CCDC180: variants seen among roughly 807,000 people sequenced by gnomAD.
The protein encoded by CCDC180 is coiled-coil domain-containing protein 180.
In CCDC180, 154 loss-of-function variants were observed where a neutral mutation model predicts 209.2. The observed-to-expected ratio is 0.74, with a 90% confidence interval of 0.65 to 0.84. The LOEUF (loss-of-function observed/expected upper bound fraction) is 0.84. Ranked by LOEUF, CCDC180 falls within the 40% of genes least tolerant of loss-of-function variation. The probability of loss-of-function intolerance (pLI) is 0.00; values close to 1 mark genes in which losing one functional copy is unlikely to be tolerated. For missense variants in CCDC180, 1,874 were observed against 1,997.3 expected, an observed-to-expected ratio of 0.94 and a Z score of 1.18; for synonymous variants, 778 against 749.1, an observed-to-expected ratio of 1.04 and a Z score of -0.63.
chr9:97,354,891 G>A lies in CCDC180; in HGVS notation c.3148-1G>A, dbSNP rs1259682055. 4 of 1,608,014 alleles carry A rather than the reference G, an allele frequency of 2.5e-6. No homozygotes were observed. The highest frequency in any genetic ancestry group is 3.4e-6 in the Non-Finnish European group (4 of 1,174,384). Reference sequence around the variant, plus strand: ...CCTTTACCCTTTATCTCTCTGTACAGGCCAATGATGTCATCAACAAGTTTG... The same window carrying A: ...CCTTTACCCTTTATCTCTCTGTACAAGCCAATGATGTCATCAACAAGTTTG... On this transcript the variant is annotated splice_acceptor_variant, in intron 23 of 36. Coordinates refer to ENST00000529487, the MANE Select transcript of CCDC180 (RefSeq NM_020893.6). LOFTEE classifies it high-confidence loss of function.
At position 97,366,897 on chromosome 9, in the gene CCDC180, A is replaced by G. The variant is rs1826939529; in HGVS notation, c.4189+197A>G. On this transcript the variant is annotated intron_variant, in intron 31 of 36. Transcript: ENST00000529487. The surrounding 1 kb of genome is among the most constrained non-coding windows in gnomAD (Gnocchi z 4.3). ...GGGAAATGCGACCATGCAAGAAAAA[A>G]GTTCACTTTTCTTGAGAAATATGGT... is the stretch of plus-strand genomic sequence containing the variant. Among the ~76,000 whole-genome samples the G allele has an allele frequency of 6.6e-6, 1 of 152,266 alleles. No individual in the cohort carries two copies. The highest frequency in any genetic ancestry group is 1.5e-5 in the Non-Finnish European group (1 of 68,044).
intron 22 of CCDC180, among the ~76,000 whole-genome samples, chr9:97,351,883 C>T (rs1282283961): frequency 2.0e-5 from 3 of 152,084 alleles, no homozygotes; most frequent in South Asian, 2.1e-4. Flanking sequence ...GATTCTGAGG[C>T]GGGCGGATCA....
chr9:97,320,889 G>A (rs1221374213), intron 11 of CCDC180, among the ~76,000 whole-genome samples: 1 of 152,170 alleles, frequency 6.6e-6, no homozygotes, highest in Admixed American at 6.5e-5. Context: ...ACTTAGGATG[G>A]TTCAACTTGG....
chr9:97,345,082 C>T (rs978945486), intron 19 of CCDC180, among the ~76,000 whole-genome samples: 46 of 152,158 alleles, frequency 3.0e-4, no homozygotes, highest in African/African-American at 1.1e-3. Context: ...AAATGTTATC[C>T]ATTTTATTAA....
At chr9:97,311,035 T>C (rs1832968867) in intron 3 of CCDC180, among the ~76,000 whole-genome samples, 1 of 152,144 alleles carries the variant, frequency 6.6e-6, no homozygotes, top group Admixed American at 6.5e-5. Flanking sequence ...GCACCCTGTC[T>C]CCCTCAGGCG....
chr9:97,326,524 G>T, intron 14 of CCDC180, 30 bp from the exon 15 acceptor site: 1 of 1,350,374 alleles, frequency 7.4e-7, no homozygotes, highest in Non-Finnish European at 1.1e-6. Context: ...GGTCACATCT[G>T]CTTCCTCTTG....
rs118147443 is a variant in CCDC180, at chr9:97,334,291, C to T, written c.2274+3524C>T. On this transcript the variant is annotated intron_variant, in intron 18 of 36. Transcript: ENST00000529487. The stretch of plus-strand genomic sequence containing the variant: ...CCTAGGGAGCCGTTATTAGCAATAG[C>T]CAGTATTTTAAGGAGTGTTTGTCAT... Among the ~76,000 whole-genome samples the T allele has an allele frequency of 3.1e-3, 467 of 152,210 alleles. 11 individuals carry two copies. In the East Asian group the frequency reaches 0.04, roughly 13 times the overall value.
At chr9:97,315,061 A>G in intron 8 of CCDC180, 115 bp downstream of exon 8, 1 of 744,344 alleles carries the variant, frequency 1.3e-6, no homozygotes, top group Non-Finnish European at 2.3e-6. Context: ...TCTCATCTAT[A>G]ACGTTTCTAA....
Position 97,357,796 on chromosome 9 carries a change from A to T in CCDC180, c.3363+71A>T, listed in dbSNP as rs1826625234. 3 of 1,278,880 alleles carry T rather than the reference A, an allele frequency of 2.3e-6. No homozygotes were observed. In the Admixed American group the frequency reaches 5.9e-5, roughly 25 times the overall value. 79.2% of individuals were successfully genotyped at this position (1,278,880 alleles called of 1,614,324 possible). Reference sequence around the variant, plus strand: ...TGCTAAAGTCATAAATGTGAAATAAATTTACCTGTGTGTATAGGATTTCTC... The same window carrying T: ...TGCTAAAGTCATAAATGTGAAATAATTTTACCTGTGTGTATAGGATTTCTC... On this transcript the variant is annotated intron_variant, in intron 25 of 36. Coordinates refer to ENST00000529487, the MANE Select transcript of CCDC180 (RefSeq NM_020893.6).
chr9:97,325,215 C>T, intron 14 of CCDC180, 23 bp downstream of exon 14: 2 of 1,565,090 alleles, frequency 1.3e-6, no homozygotes, highest in Non-Finnish European at 1.7e-6. Context: ...CCCGGGGCTC[C>T]ATGTTTCACA....
At chr9:97,323,072 T>C in intron 12 of CCDC180, 151 bp downstream of exon 12, 1 of 633,480 alleles carries the variant, frequency 1.6e-6, no homozygotes. Context: ...CTTTTCTTCC[T>C]CATGGAAGAA....
rs748974091 is a variant in CCDC180 at position 97,330,181 on chromosome 9, T to A, written c.1816T>A (p.Phe606Ile). The change falls in exon 17 of 37, where the codon TTC becomes ATC. Residue 606 changes from phenylalanine (F) to isoleucine (I), a missense_variant. Transcript: ENST00000529487. ...QNLAGEVIFK[F>I]RQPEAHEKPS... ...CTTGGCTGGAGAAGTCATTTTCAAA[T>A]TCAGGCAACCAGGTAACACTTTTTC... 8.1e-6 allele frequency: 13 copies of A among 1,613,880 alleles called. No homozygotes were observed. Among genetic ancestry groups the A allele is most frequent in the Non-Finnish European group, 1.1e-5 (13 of 1,179,998 alleles).
chr9:97,342,065 C>T (rs1024391285), intron 18 of CCDC180, among the ~76,000 whole-genome samples: 4 of 152,206 alleles, frequency 2.6e-5, no homozygotes, highest in Non-Finnish European at 5.9e-5. Flanking sequence ...TTCTGATTTT[C>T]CTGGTACAGT....
intron 18 of CCDC180, among the ~76,000 whole-genome samples, chr9:97,331,746 G>A (rs1435028925): frequency 6.6e-6 from 1 of 152,118 alleles, no homozygotes; most frequent in Non-Finnish European, 1.5e-5. Context: ...TTTGAATAGG[G>A]TTGTTTGGTT....
chr9:97,330,120 A>G (rs766728302), intron 16 of CCDC180, 34 bp from the exon 17 acceptor site: 8 of 1,509,606 alleles, frequency 5.3e-6, no homozygotes, highest in Admixed American at 5.0e-5. Context: ...AAGGCAGTGC[A>G]GGTCCTTCAG....
At chr9:97,350,347 C>T (rs919017655) in intron 21 of CCDC180, 62 bp from the exon 22 acceptor site, 1 of 1,492,344 alleles carries the variant, frequency 6.7e-7, no homozygotes, top group East Asian at 2.5e-5. Flanking sequence ...CACCACCTGC[C>T]CCTCCCTTGT....
chr9:97,358,521 G>A (rs560682499), intron 25 of CCDC180, among the ~76,000 whole-genome samples: 2 of 152,038 alleles, frequency 1.3e-5, no homozygotes, highest in Non-Finnish European at 2.9e-5. Flanking sequence ...GGTTCCAAGC[G>A]TTCGCCTGGC....
At chr9:97,371,943 G>T (rs949675405) in intron 34 of CCDC180, 9 of 319,700 alleles carry the variant, frequency 2.8e-5, no homozygotes, top group Non-Finnish European at 4.6e-5. Context: ...TACTCTTGGG[G>T]TTAGGGATAC....
At chr9:97,369,855 G>C in intron 31 of CCDC180, 67 bp from the exon 32 acceptor site, 1 of 1,569,276 alleles carries the variant, frequency 6.4e-7, no homozygotes, top group Middle Eastern at 2.1e-4. Context: ...CTTTGTTGTA[G>C]AGATCGCCTC....
Sources: gnomAD v4.1 joint callset for allele counts (sites outside exome capture counted in the v4.1 genomes callset) on GRCh38, gnomAD v4.1.1 for gene constraint, Gnocchi (gnomAD v3.1) non-coding constraint, MANE v1.5 for transcripts, NCBI Gene and HGNC (gene_info 2026-07-23, HGNC 2026-07-21) for gene names.